Variants in THTPA observed in about 807,000 individuals in gnomAD.
The protein encoded by THTPA is thiamine-triphosphatase.
A neutral mutation model predicts 16.5 loss-of-function variants in THTPA; 16 were observed. The observed-to-expected ratio is 0.97, with a 90% CI of 0.66 to 1.47. The LOEUF (loss-of-function observed/expected upper bound fraction) is 1.47. Ranked by LOEUF, THTPA falls within the 40% of genes most tolerant of loss-of-function variation. THTPA has a pLI of 0.00. For missense variants in THTPA, 281 were observed against 280.9 expected, an observed-to-expected ratio of 1.00 and a Z score of 0.00; for synonymous variants, 110 against 115.5, an observed-to-expected ratio of 0.95 and a Z score of 0.30.
chr14:23,536,332 A>G, the THTPA span, among the ~76,000 whole-genome samples: 3 of 152,206 alleles, frequency 2.0e-5, no homozygotes, highest in African/African-American at 7.2e-5. Context: ...CAGATTTTCC[A>G]TACCCTGACG....
chr14:23,525,525 C>A, the THTPA span: 1 of 1,535,652 alleles, frequency 6.5e-7, no homozygotes, highest in Non-Finnish European at 8.7e-7. This position sits in a 1 kb window ranked among gnomAD's most constrained non-coding sequence, Gnocchi z 5.9. Flanking sequence ...CCCCCGAGGG[C>A]CTCAGGTGGG....
At chr14:23,534,849 G>A in the THTPA span, 1 of 1,536,156 alleles carries the variant, frequency 6.5e-7, no homozygotes, top group Non-Finnish European at 8.7e-7. This position sits in a 1 kb window ranked among gnomAD's most constrained non-coding sequence, Gnocchi z 4.5. Context: ...GGGGTGGGTA[G>A]GCAAGGAAGG....
At chr14:23,520,047 A>G in the THTPA span, among the ~76,000 whole-genome samples, 23 of 152,192 alleles carry the variant, frequency 1.5e-4, no homozygotes, top group Non-Finnish European at 3.4e-4. This position sits in a 1 kb window ranked among gnomAD's most constrained non-coding sequence, Gnocchi z 8.7. Flanking sequence ...GCTGGGCTTT[A>G]GGGTTGCCAG....
chr14:23,516,595 A>G, the THTPA span, among the ~76,000 whole-genome samples: 1 of 152,210 alleles, frequency 6.6e-6, no homozygotes, highest in African/African-American at 2.4e-5. Flanking sequence ...GAGAATCACT[A>G]GGTTAGGAAC....
chr14:23,553,690 C>T (rs368746508), upstream of THTPA, among the ~76,000 whole-genome samples: 1 of 150,970 alleles, frequency 6.6e-6, no homozygotes, highest in African/African-American at 2.4e-5. Context: ...ATCAGGAGAT[C>T]GAGACCATCC....
chr14:23,534,753 A>G, the THTPA span: 4 of 1,536,052 alleles, frequency 2.6e-6, no homozygotes, highest in East Asian at 7.3e-5. The surrounding 1 kb of genome is among the most constrained non-coding windows in gnomAD (Gnocchi z 4.5). Context: ...GTGCTGAGGT[A>G]TCATGGGACA....
chr14:23,550,825 C>T, the THTPA span, among the ~76,000 whole-genome samples: 3 of 152,188 alleles, frequency 2.0e-5, no homozygotes, highest in Non-Finnish European at 4.4e-5. Flanking sequence ...CACGTCCCCT[C>T]CCACTCCACG....
At chr14:23,535,358 G>A in the THTPA span, 1 of 1,440,884 alleles carries the variant, frequency 6.9e-7, no homozygotes, top group South Asian at 1.4e-5. The surrounding 1 kb of genome is among the most constrained non-coding windows in gnomAD (Gnocchi z 4.5). Flanking sequence ...GCTCATGTCA[G>A]CGTGACAGCC....
chr14:23,539,126 CTAATGCACTGTT>C, the THTPA span, among the ~76,000 whole-genome samples: 1 of 152,112 alleles, frequency 6.6e-6, no homozygotes, highest in Admixed American at 6.5e-5. Flanking sequence ...TCCTCCTCCC[CTAATGCACTGTT>C]TCGTCACAAG....
At chr14:23,517,642 T>A in the THTPA span, among the ~76,000 whole-genome samples, 7 of 152,172 alleles carry the variant, frequency 4.6e-5, no homozygotes, top group Non-Finnish European at 8.8e-5. Context: ...CTCCTACATA[T>A]CTCTTCCCTG....
the THTPA span, among the ~76,000 whole-genome samples, chr14:23,512,324 T>TAC: frequency 1.3e-5 from 2 of 151,370 alleles, no homozygotes; most frequent in Non-Finnish European, 2.9e-5. Flanking sequence ...CGCACACGTA[T>TAC]ACACACACAC....
At chr14:23,526,614 C>T in the THTPA span, 1 of 1,535,856 alleles carries the variant, frequency 6.5e-7, no homozygotes, top group Non-Finnish European at 8.7e-7. Context: ...TCTGGGACCT[C>T]AACTGAGGCC....
At chr14:23,523,859 C>T in the THTPA span, 1 of 1,536,046 alleles carries the variant, frequency 6.5e-7, no homozygotes, top group East Asian at 2.4e-5. The surrounding 1 kb of genome is among the most constrained non-coding windows in gnomAD (Gnocchi z 4.1). Context: ...ACTCAGATCT[C>T]CTGCAGAGAG....
At chr14:23,541,099 T>C in the THTPA span, among the ~76,000 whole-genome samples, 1 of 151,778 alleles carries the variant, frequency 6.6e-6, no homozygotes, top group African/African-American at 2.4e-5. Flanking sequence ...AGAGACGGGG[T>C]TTCACCATGT....
the THTPA span, among the ~76,000 whole-genome samples, chr14:23,547,640 A>C: frequency 6.6e-6 from 1 of 152,130 alleles, no homozygotes; most frequent in African/African-American, 2.4e-5. Flanking sequence ...TGTCTGCCTC[A>C]GATCTCACTG....
At chr14:23,531,826 G>A in the THTPA span, 4 of 1,241,930 alleles carry the variant, frequency 3.2e-6, no homozygotes, top group African/African-American at 3.1e-5. Flanking sequence ...TGCCCAGGCT[G>A]GAGTGCAGTG....
chr14:23,523,118 G>C, the THTPA span: 2 of 1,401,120 alleles, frequency 1.4e-6, no homozygotes, highest in Admixed American at 6.4e-5. This position sits in a 1 kb window ranked among gnomAD's most constrained non-coding sequence, Gnocchi z 4.1. Context: ...ATTGGGCATG[G>C]GAAGAATCAG....
the THTPA span, among the ~76,000 whole-genome samples, chr14:23,518,004 G>A: frequency 1.3e-5 from 2 of 152,154 alleles, no homozygotes; most frequent in Non-Finnish European, 2.9e-5. The surrounding 1 kb of genome is among the most constrained non-coding windows in gnomAD (Gnocchi z 4.5). Context: ...AAAAATTAGC[G>A]TGTGTTGGAG....
In THTPA at chr14:23,556,823, G is replaced by A. The variant is rs965872602; in HGVS notation, c.66G>A (p.Leu22=). The part of the protein sequence containing the change: ...FLPGPGTEER[L]QELGGTLEYR... Reference sequence around the variant, plus strand: ...CAGGGCCTGGCACAGAGGAGCGGCTGCAGGAGTTGGGGGGCACCCTGGAGT... The same window carrying A: ...CAGGGCCTGGCACAGAGGAGCGGCTACAGGAGTTGGGGGGCACCCTGGAGT... Residue 22 remains leucine, a synonymous_variant, in exon 1 of 2, where the codon CTG becomes CTA. Coordinates refer to ENST00000288014, the MANE Select transcript of THTPA (RefSeq NM_024328.6). 6.2e-7 allele frequency: 1 copy of A among 1,613,436 alleles called. No individual in the cohort carries two copies. Among genetic ancestry groups the A allele is most frequent in the African/African-American group, 1.3e-5 (1 of 75,018 alleles).
Sources: allele counts gnomAD v4.1 joint callset (sites outside exome capture counted in the v4.1 genomes callset), GRCh38; gene constraint gnomAD v4.1.1; non-coding constraint Gnocchi (gnomAD v3.1); transcripts MANE v1.5; gene names NCBI Gene and HGNC (gene_info 2026-07-23, HGNC 2026-07-21).